The following PTPRT variants were observed in gnomAD, a reference collection of about 807,000 sequenced individuals.
PTPRT encodes the protein receptor-type tyrosine-protein phosphatase T.
In PTPRT, 56 loss-of-function variants were observed where a neutral mutation model predicts 176.8. The observed-to-expected ratio is 0.32, with a 90% CI of 0.26 to 0.40. The LOEUF is 0.40. Ranked by LOEUF, PTPRT falls within the 10% of genes least tolerant of loss-of-function variation. The pLI is 1.00. For synonymous variants in PTPRT, 783 were observed against 739.0 expected, an observed-to-expected ratio of 1.06 and a Z score of -0.96; for missense variants, 1,540 against 1,908.2, an observed-to-expected ratio of 0.81 and a Z score of 3.60.
chr20:42,776,041 G>A (rs553695067), intron 4 of PTPRT, among the ~76,000 whole-genome samples: 2 of 152,224 alleles, frequency 1.3e-5, no homozygotes, highest in East Asian at 3.9e-4. Flanking sequence ...GGCCCACAGG[G>A]CCCCTCACCA....
intron 1 of PTPRT, among the ~76,000 whole-genome samples, chr20:43,083,320 G>GTGTATA (rs1299320498): frequency 8.0e-5 from 3 of 37,384 alleles, no homozygotes; most frequent in Non-Finnish European, 1.4e-4. Flanking sequence ...CACTTCAAAT[G>GTGTATA]TATATATATA....
intron 20 of PTPRT, 58 bp downstream of exon 20, chr20:42,119,877 C>G: frequency 1.3e-6 from 2 of 1,498,890 alleles, no homozygotes; most frequent in Non-Finnish European, 1.8e-6. Context: ...TAAGAGAGCC[C>G]TTTCCCCTGG....
chr20:43,075,640 C>T (rs754789717), intron 1 of PTPRT, among the ~76,000 whole-genome samples: 6 of 152,218 alleles, frequency 3.9e-5, no homozygotes, highest in Non-Finnish European at 7.3e-5. Context: ...CAGAATAAAT[C>T]TTCCCTGACT....
chr20:42,067,878 A>T (rs914341198), downstream of PTPRT, among the ~76,000 whole-genome samples: 2 of 152,208 alleles, frequency 1.3e-5, no homozygotes, highest in Non-Finnish European at 2.9e-5. Context: ...CCCTGAAAGC[A>T]AAACCTTAAA....
chr20:42,145,497 C>CATAGGTAGATAG (rs1988821310), intron 17 of PTPRT, among the ~76,000 whole-genome samples: 1 of 144,444 alleles, frequency 6.9e-6, no homozygotes, highest in African/African-American at 2.6e-5. Context: ...GACTTTGTCT[C>CATAGGTAGATAG]ATAGATAGAT....
At chr20:42,386,573 T>C (rs780236654) in intron 9 of PTPRT, among the ~76,000 whole-genome samples, 1 of 152,168 alleles carries the variant, frequency 6.6e-6, no homozygotes, top group Non-Finnish European at 1.5e-5. Flanking sequence ...TGCTTCTATC[T>C]TTCATACCTT....
intron 1 of PTPRT, among the ~76,000 whole-genome samples, chr20:42,941,828 G>C (rs1980573330): frequency 6.6e-6 from 1 of 152,176 alleles, no homozygotes; most frequent in African/African-American, 2.4e-5. Flanking sequence ...TTATGCTGAT[G>C]TCAAACAATT....
chr20:42,831,109 T>C (rs1437759766), intron 2 of PTPRT, among the ~76,000 whole-genome samples: 4 of 152,132 alleles, frequency 2.6e-5, no homozygotes, highest in Non-Finnish European at 5.9e-5. Flanking sequence ...GGAGGTATCA[T>C]ATTAGCTGCC....
chr20:42,693,229 T>C (rs1007203605), intron 6 of PTPRT, among the ~76,000 whole-genome samples: 1 of 152,186 alleles, frequency 6.6e-6, no homozygotes, highest in Admixed American at 6.5e-5. Flanking sequence ...TCCAAATAAA[T>C]GGAGAGATAT....
chr20:42,894,949 G>A (rs547609690), intron 1 of PTPRT, among the ~76,000 whole-genome samples: 166 of 152,244 alleles, frequency 1.1e-3, no homozygotes, highest in Admixed American at 2.8e-3. Flanking sequence ...CATAGTAATC[G>A]CTGGTATGTG....
In PTPRT at chr20:42,074,839, CTA is replaced by C. The variant is rs1568897682; in HGVS notation, c.*6038_*6039del. ...CTGGCTTGATCTCTACAAGACATCT[CTA>C]TAGTCAGTGCCATGCAAAAGCCCAT... On this transcript the variant is annotated 3_prime_UTR_variant, in exon 31 of 31. Transcript: ENST00000373187. 5.0e-6 allele frequency: 2 copies of C among 398,492 alleles called. No individual in the cohort carries two copies. Among genetic ancestry groups the C allele is most frequent in the Non-Finnish European group, 8.8e-6 (2 of 226,082 alleles). 24.7% of individuals were successfully genotyped at this position (398,492 alleles called of 1,614,324 possible).
At chr20:42,048,653 T>A in the PTPRT span, among the ~76,000 whole-genome samples, 1 of 152,162 alleles carries the variant, frequency 6.6e-6, no homozygotes, top group Non-Finnish European at 1.5e-5. Flanking sequence ...TGCCTCTAGA[T>A]GATTTTGGCC....
chr20:42,065,272 A>G, the PTPRT span, among the ~76,000 whole-genome samples: 2 of 146,636 alleles, frequency 1.4e-5, no homozygotes, highest in African/African-American at 5.5e-5. Flanking sequence ...AACTGTAACA[A>G]TGATCTCTTA....
At chr20:42,349,567 T>TTCC (rs1223135609) in intron 11 of PTPRT, among the ~76,000 whole-genome samples, 1 of 152,238 alleles carries the variant, frequency 6.6e-6, no homozygotes, top group Admixed American at 6.5e-5. Flanking sequence ...TCCAAGCACT[T>TTCC]AAGCATTGCC....
intron 16 of PTPRT, among the ~76,000 whole-genome samples, chr20:42,165,577 C>T (rs1989790135): frequency 6.6e-6 from 1 of 152,218 alleles, no homozygotes; most frequent in Admixed American, 6.5e-5. Flanking sequence ...TCCAATAGAA[C>T]TTTCCACAAC....
At position 42,807,069 on chromosome 20, in the gene PTPRT, T is replaced by C. The variant is rs150788077; in HGVS notation, c.215-15603A>G. ...CTGTTGTATTTGTGAGTTTCAGCCT[T>C]GAGCAGGATGTGAAAAGAAAGGTGG... On this transcript the variant is annotated intron_variant, in intron 2 of 30. Transcript: ENST00000373187. Among the ~76,000 whole-genome samples, 824 of 152,326 alleles carry C rather than the reference T, an allele frequency of 5.4e-3. 12 individuals are homozygous for C. The highest frequency in any genetic ancestry group is 0.018 in the African/African-American group (757 of 41,576).
At chr20:42,826,860 G>A (rs2078002845) in intron 2 of PTPRT, among the ~76,000 whole-genome samples, 1 of 152,070 alleles carries the variant, frequency 6.6e-6, no homozygotes, top group African/African-American at 2.4e-5. Flanking sequence ...AAAGGGATGA[G>A]GAAAATCTAC....
At chr20:43,057,506 A>G (rs1055994537) in intron 1 of PTPRT, among the ~76,000 whole-genome samples, 10 of 152,128 alleles carry the variant, frequency 6.6e-5, no homozygotes, top group Non-Finnish European at 1.2e-4. Flanking sequence ...AAAAACTAAA[A>G]AAGAAAGTGC....
chr20:42,706,941 G>A (rs1424458119), intron 6 of PTPRT, among the ~76,000 whole-genome samples: 1 of 152,192 alleles, frequency 6.6e-6, no homozygotes, highest in Non-Finnish European at 1.5e-5. Context: ...CTTTATAGGA[G>A]AAGATGCACA....
Sources: gnomAD v4.1 joint callset for allele counts (sites outside exome capture counted in the v4.1 genomes callset) on GRCh38, gnomAD v4.1.1 for gene constraint, MANE v1.5 for transcripts, NCBI Gene and HGNC (gene_info 2026-07-23, HGNC 2026-07-21) for gene names.